SVIL: variants seen among roughly 807,000 people sequenced by gnomAD.
SVIL encodes the protein supervillin, also known as archvillin.
In SVIL, 101 loss-of-function variants were observed where a neutral mutation model predicts 240.4. The observed-to-expected ratio is 0.42, with a 90% CI of 0.36 to 0.50. The LOEUF is 0.50. Among genes scored for constraint, SVIL ranks in the 20% least tolerant of loss-of-function variants. SVIL has a pLI of 0.01. For synonymous variants in SVIL, 999 were observed against 1,100.0 expected (o/e 0.91, Z 1.82); for missense variants, 2,512 against 2,818.7 (o/e 0.89, Z 2.46).
At chr10:29,491,543 G>T (rs572707213) in intron 21 of SVIL, among the ~76,000 whole-genome samples, 3 of 152,216 alleles carry the variant, frequency 2.0e-5, no homozygotes, top group East Asian at 3.9e-4. Flanking sequence ...TTAACGCACT[G>T]CCTCCTCTGA....
At chr10:29,538,033 G>A (rs1951863701) in intron 6 of SVIL, among the ~76,000 whole-genome samples, 1 of 152,246 alleles carries the variant, frequency 6.6e-6, no homozygotes. Flanking sequence ...AACGAAGGCA[G>A]TGCAACTCAG....
intron 18 of SVIL, 146 bp downstream of exon 18, chr10:29,498,970 G>T: frequency 8.3e-7 from 1 of 1,205,092 alleles, no homozygotes; most frequent in South Asian, 1.6e-5. Context: ...AAAAGAGCAA[G>T]ACCCTGTCTC....
Position 29,677,560 on chromosome 10 carries a change from A to T in SVIL, c.-301+8993T>A, listed in dbSNP as rs1346742305. ...TGCCTCAGCCTCCTAAGTAGCTGGG[A>T]CTATAGCTGTGCAGCACTATGCTCA... On this transcript the variant is annotated intron_variant, in intron 2 of 35. Transcript: ENST00000375400. 2.6e-5 allele frequency among the ~76,000 whole-genome samples: 4 copies of T among 152,102 alleles called. No individual in the cohort carries two copies. In the East Asian group the frequency reaches 7.7e-4, roughly 29 times the overall value.
chr10:29,540,882 G>T (rs1952099036), intron 6 of SVIL, among the ~76,000 whole-genome samples: 1 of 152,210 alleles, frequency 6.6e-6, no homozygotes, highest in Non-Finnish European at 1.5e-5. Flanking sequence ...GCAGTGGAAG[G>T]TTGTGGACTG....
rs28737204 is a variant in SVIL, at chr10:29,487,480, C to T, written c.4349-181G>A. 0.27 allele frequency: 175,723 copies of T among 645,332 alleles called. 26,450 individuals are homozygous for T. The highest frequency in any genetic ancestry group is 0.53 in the East Asian group (18,796 of 35,374). 40.0% of individuals were successfully genotyped at this position (645,332 alleles called of 1,614,324 possible). ...AGAAAGGGCATGATGATGGCACTAG[C>T]GGCTGCTTTCCTGGTTTGTGCTTTC... On this transcript the variant is annotated intron_variant, in intron 23 of 37. Coordinates refer to ENST00000355867, the MANE Select transcript of SVIL (RefSeq NM_021738.3).
At position 29,582,672 on chromosome 10, in the gene SVIL, T is replaced by C. The variant is rs138295813; in HGVS notation, c.-200-13360A>G. ...ACTTAAGCCCAGAAATTTGAGGCTG[T>C]GGTGAGCTTTGATCATGCTACTACA... is the stretch of plus-strand genomic sequence containing the variant. On this transcript the variant is annotated intron_variant, in intron 1 of 37. Transcript: ENST00000355867. Among the ~76,000 whole-genome samples the C allele has an allele frequency of 2.4e-3, 364 of 151,904 alleles. 2 individuals carry two copies. Among genetic ancestry groups the C allele is most frequent in the African/African-American group, 8.2e-3 (339 of 41,390 alleles).
intron 6 of SVIL, among the ~76,000 whole-genome samples, chr10:29,540,034 C>G (rs543180761): frequency 7.2e-5 from 11 of 152,306 alleles, no homozygotes; most frequent in African/African-American, 2.4e-4. Flanking sequence ...CCGCCTCTCA[C>G]GTGCGTTACC....
chr10:29,479,801 T>C (rs1188863449), intron 29 of SVIL, among the ~76,000 whole-genome samples: 2 of 152,176 alleles, frequency 1.3e-5, no homozygotes, highest in African/African-American at 4.8e-5. Context: ...AAAAATACTC[T>C]CTTCTGAGTT....
intron 5 of SVIL, among the ~76,000 whole-genome samples, chr10:29,552,594 G>A (rs1589227712): frequency 6.7e-6 from 1 of 150,170 alleles, no homozygotes; most frequent in Non-Finnish European, 1.5e-5. Context: ...TCCCATATTT[G>A]GAAATCTATT....
intron 6 of SVIL, 138 bp from the exon 7 acceptor site, chr10:29,536,207 G>A (rs548176610): frequency 2.4e-5 from 19 of 775,958 alleles, no homozygotes; most frequent in African/African-American, 2.3e-4. Flanking sequence ...TAAACATGGA[G>A]TACACATGGT....
chr10:29,688,071 C>A (rs1961226276), intron 1 of SVIL, among the ~76,000 whole-genome samples: 1 of 152,180 alleles, frequency 6.6e-6, no homozygotes. Context: ...GTCAATTACG[C>A]TTCATTTATC....
intron 3 of SVIL, among the ~76,000 whole-genome samples, chr10:29,556,363 T>C (rs1205220179): frequency 6.6e-6 from 1 of 152,152 alleles, no homozygotes; most frequent in Non-Finnish European, 1.5e-5. Context: ...CAAAGGAATT[T>C]GATGTTTGAC....
At chr10:29,531,425 G>A in intron 9 of SVIL, 137 bp from the exon 10 acceptor site, 1 of 857,952 alleles carries the variant, frequency 1.2e-6, no homozygotes, top group South Asian at 1.6e-5. Flanking sequence ...AGCAATTCTA[G>A]TTGTGAAAAC....
At chr10:29,703,555 T>G (rs1962673142) in intron 1 of SVIL, among the ~76,000 whole-genome samples, 1 of 152,182 alleles carries the variant, frequency 6.6e-6, no homozygotes, top group Non-Finnish European at 1.5e-5. Context: ...GCAGCCCCTG[T>G]GGCGGGGGCT....
At chr10:29,618,053 G>A (rs997606817) in intron 1 of SVIL, among the ~76,000 whole-genome samples, 4 of 152,188 alleles carry the variant, frequency 2.6e-5, no homozygotes, top group African/African-American at 4.8e-5. Context: ...GTTGTAAGGA[G>A]CTCGCTGACA....
At chr10:29,494,819 G>T in intron 20 of SVIL, 95 bp downstream of exon 20, 2 of 1,257,212 alleles carry the variant, frequency 1.6e-6, no homozygotes, top group Non-Finnish European at 2.3e-6. Flanking sequence ...AATCAGTCTT[G>T]ACCAAAACTT....
At chr10:29,476,495 T>A (rs1174104337) in intron 29 of SVIL, among the ~76,000 whole-genome samples, 1 of 152,124 alleles carries the variant, frequency 6.6e-6, no homozygotes, top group Non-Finnish European at 1.5e-5. Context: ...TCACTGCACC[T>A]GGGCTCAAGT....
chr10:29,515,577 T>G (rs1024382124), intron 16 of SVIL, among the ~76,000 whole-genome samples: 15 of 152,224 alleles, frequency 9.9e-5, no homozygotes, highest in Non-Finnish European at 1.6e-4. Flanking sequence ...ATATTCTCCC[T>G]GTAAACTGGC....
At chr10:29,640,862 C>T (rs1283553089) in intron 3 of SVIL, among the ~76,000 whole-genome samples, 1 of 152,182 alleles carries the variant, frequency 6.6e-6, no homozygotes, top group East Asian at 1.9e-4. Flanking sequence ...TCCGCCACTT[C>T]CAGAATGGCC....
Sources: allele counts gnomAD v4.1 joint callset (sites outside exome capture counted in the v4.1 genomes callset), GRCh38; gene constraint gnomAD v4.1.1; transcripts MANE v1.5; gene names NCBI Gene and HGNC (gene_info 2026-07-23, HGNC 2026-07-21).